The following THRB variants were observed in gnomAD, a reference collection of about 807,000 sequenced individuals.
THRB encodes thyroid hormone receptor beta, also known as nuclear receptor subfamily 1 group A member 2.
A neutral mutation model predicts 47.8 loss-of-function variants in THRB; 12 were observed. The ratio of observed to expected loss-of-function variants is 0.25; its 90% confidence interval spans 0.16 to 0.41. The LOEUF is 0.41. Among genes scored for constraint, THRB ranks in the 10% least tolerant of loss-of-function variants. THRB has a pLI of 1.00. For missense variants in THRB, 348 were observed against 589.2 expected, an observed-to-expected ratio of 0.59 and a Z score of 4.24; for synonymous variants, 218 against 212.2, an observed-to-expected ratio of 1.03 and a Z score of -0.24.
chr3:24,192,872 T>A (rs2043513148), intron 4 of THRB, among the ~76,000 whole-genome samples: 1 of 152,232 alleles, frequency 6.6e-6, no homozygotes, highest in Non-Finnish European at 1.5e-5. Context: ...ATAATGATAT[T>A]CAGTTGCTTA....
intron 3 of THRB, among the ~76,000 whole-genome samples, chr3:24,243,162 C>T (rs982861537): frequency 4.0e-5 from 6 of 151,076 alleles, no homozygotes; most frequent in Non-Finnish European, 5.9e-5. Context: ...TGTAAAGCAG[C>T]GTGGGTGATT....
At chr3:24,290,884 C>G (rs767387824) in intron 3 of THRB, among the ~76,000 whole-genome samples, 11 of 152,146 alleles carry the variant, frequency 7.2e-5, no homozygotes, top group Non-Finnish European at 8.8e-5. Flanking sequence ...TCTTGACTAA[C>G]TTGACTATAG....
At chr3:24,316,822 C>T (rs566806536) in intron 2 of THRB, among the ~76,000 whole-genome samples, 1 of 152,144 alleles carries the variant, frequency 6.6e-6, no homozygotes, top group Non-Finnish European at 1.5e-5. Context: ...TCCTCCACCC[C>T]CCAGAACACT....
rs540106100 is a variant in THRB at position 24,304,048 on chromosome 3, T to G, written c.-188-6677A>C. On this transcript the variant is annotated intron_variant, in intron 2 of 10. Coordinates refer to ENST00000646209, the MANE Select transcript of THRB (RefSeq NM_001354712.2). ...TGTATATGTGAAATTAGCTCATATT[T>G]TTTTTTAGTCTGTATTTTCTTGGTC... 2.0e-3 allele frequency among the ~76,000 whole-genome samples: 298 copies of G among 152,092 alleles called. 1 individual carries two copies. Among genetic ancestry groups the G allele is most frequent in the Middle Eastern group, 0.01 (3 of 294 alleles).
intron 1 of THRB, among the ~76,000 whole-genome samples, chr3:24,411,966 A>G (rs1181036636): frequency 6.6e-6 from 1 of 151,828 alleles, no homozygotes; most frequent in Non-Finnish European, 1.5e-5. Context: ...GTTTGTGTCA[A>G]ATCAAGTTTT....
intron 3 of THRB, among the ~76,000 whole-genome samples, chr3:24,294,559 C>A (rs2056277523): frequency 6.6e-6 from 1 of 152,184 alleles, no homozygotes; most frequent in South Asian, 2.1e-4. Flanking sequence ...ACACATGTGA[C>A]AAGACACTGC....
At chr3:24,395,216 G>C (rs1236872026) in intron 1 of THRB, among the ~76,000 whole-genome samples, 1 of 152,028 alleles carries the variant, frequency 6.6e-6, no homozygotes, top group African/African-American at 2.4e-5. Flanking sequence ...GTTATGCAAA[G>C]CTTTTTTTAG....
chr3:24,495,703 C>CCCGGCCCGACCGGCCCGA (rs1272283841), upstream of THRB: 1 of 152,342 alleles, frequency 6.6e-6, no homozygotes, highest in Non-Finnish European at 1.5e-5. Flanking sequence ...GCCTTCTTTG[C>CCCGGCCCGACCGGCCCGA]CCGGCCCGAC....
Position 24,287,008 on chromosome 3 carries a change from A to G in THRB, c.-43+10218T>C, listed in dbSNP as rs370394924. On this transcript the variant is annotated intron_variant, in intron 3 of 10. Coordinates refer to ENST00000646209, the MANE Select transcript of THRB (RefSeq NM_001354712.2). The stretch of plus-strand genomic sequence containing the variant: ...AGTTGAAGTTGGGTAAATTCCAAGG[A>G]ATAAAATTTAACATTCACAGATAGG... 2.0e-5 allele frequency among the ~76,000 whole-genome samples: 3 copies of G among 152,314 alleles called. No homozygotes were observed. The East Asian group carries it at 5.8e-4, about 29-fold the overall frequency.
At chr3:24,313,231 T>G (rs2057879664) in intron 2 of THRB, among the ~76,000 whole-genome samples, 1 of 152,160 alleles carries the variant, frequency 6.6e-6, no homozygotes, top group Non-Finnish European at 1.5e-5. Context: ...CTTCTCTCTT[T>G]CCTCTCAACC....
chr3:24,341,940 CAG>C (rs1466910612), intron 1 of THRB, among the ~76,000 whole-genome samples: 4 of 152,114 alleles, frequency 2.6e-5, no homozygotes, highest in African/African-American at 9.7e-5. Flanking sequence ...GGAAGATGAG[CAG>C]AGTCACCTAG....
At chr3:24,417,863 G>C (rs535086160) in intron 1 of THRB, among the ~76,000 whole-genome samples, 1 of 151,804 alleles carries the variant, frequency 6.6e-6, no homozygotes, top group South Asian at 2.1e-4. Context: ...ATGAGGAAAC[G>C]GGGATTTAGA....
rs75974419 is a variant in THRB, at chr3:24,201,413, G to C, written c.23-11079C>G. Among the ~76,000 whole-genome samples the C allele has an allele frequency of 9.3e-3, 1,423 of 152,226 alleles. 28 individuals carry two copies. The highest frequency in any genetic ancestry group is 0.032 in the African/African-American group (1,331 of 41,526). On this transcript the variant is annotated intron_variant, in intron 4 of 10. Transcript: ENST00000646209. ...TGCAGTCTAAGGACCTGCAGCATCA[G>C]CATCTCCTGGGAATTTGTTAGAAAT... is the stretch of plus-strand genomic sequence containing the variant.
chr3:24,445,482 T>C (rs2071980360), intron 1 of THRB, among the ~76,000 whole-genome samples: 1 of 152,068 alleles, frequency 6.6e-6, no homozygotes, highest in African/African-American at 2.4e-5. Flanking sequence ...TCCAGAGACA[T>C]AACACGCAAA....
intron 1 of THRB, among the ~76,000 whole-genome samples, chr3:24,426,366 C>A (rs994391228): frequency 1.3e-5 from 2 of 151,840 alleles, no homozygotes; most frequent in Non-Finnish European, 2.9e-5. Flanking sequence ...TCTACCAAAC[C>A]CAGGACATAC....
intron 8 of THRB, among the ~76,000 whole-genome samples, chr3:24,143,249 G>T (rs953174165): frequency 6.6e-6 from 1 of 152,202 alleles, no homozygotes; most frequent in Non-Finnish European, 1.5e-5. Flanking sequence ...AAAGCAAACT[G>T]ATATAATGTG....
intron 1 of THRB, among the ~76,000 whole-genome samples, chr3:24,345,148 A>T: frequency 6.6e-6 from 1 of 152,182 alleles, no homozygotes; most frequent in East Asian, 1.9e-4. Flanking sequence ...TATACGGTGC[A>T]ACTATCAAGC....
At chr3:24,199,207 C>T (rs73823229) in intron 4 of THRB, among the ~76,000 whole-genome samples, 2,769 of 152,328 alleles carry the variant, frequency 0.018, 86 homozygotes, top group African/African-American at 0.063. Flanking sequence ...TGCTGCTTCA[C>T]TCCTGAGACT....
intron 1 of THRB, among the ~76,000 whole-genome samples, chr3:24,473,618 T>A (rs1695016664): frequency 1.3e-5 from 2 of 152,256 alleles, no homozygotes; most frequent in Admixed American, 1.3e-4. Flanking sequence ...TAAATCATTC[T>A]ACTGTAAAGA....
Sources: allele counts gnomAD v4.1 joint callset (sites outside exome capture counted in the v4.1 genomes callset), GRCh38; gene constraint gnomAD v4.1.1; transcripts MANE v1.5; gene names NCBI Gene and HGNC (gene_info 2026-07-23, HGNC 2026-07-21).